The following OXSR1 variants were observed in gnomAD, a reference collection of about 807,000 sequenced individuals.
OXSR1 encodes the protein serine/threonine-protein kinase OSR1.
A neutral mutation model predicts 79.8 loss-of-function variants in OXSR1; 24 were observed. The ratio of observed to expected loss-of-function variants is 0.30; its 90% CI spans 0.22 to 0.42. The LOEUF (loss-of-function observed/expected upper bound fraction) is 0.42, where lower values mean the gene tolerates loss of function less well. Among genes scored for constraint, OXSR1 ranks in the 10% least tolerant of loss-of-function variants. The probability of loss-of-function intolerance (pLI) is 1.00; values close to 1 mark genes in which losing one functional copy is unlikely to be tolerated. For synonymous variants in OXSR1, 226 were observed against 209.2 expected, an observed-to-expected ratio of 1.08 and a Z score of -0.69; for missense variants, 430 against 618.4, an observed-to-expected ratio of 0.70 and a Z score of 3.23.
intron 14 of OXSR1, 57 bp downstream of exon 14, chr3:38,247,789 T>A: frequency 9.4e-7 from 1 of 1,069,398 alleles, no homozygotes; most frequent in Non-Finnish European, 1.4e-6. Context: ...CTGCATGTGC[T>A]GTAATAGTCT....
chr3:38,178,522 T>C, intron 1 of OXSR1, among the ~76,000 whole-genome samples: 1 of 150,704 alleles, frequency 6.6e-6, no homozygotes, highest in Non-Finnish European at 1.5e-5. Context: ...CACTACAACC[T>C]CTGCCTCCTG....
chr3:38,249,285 C>G (rs925416210), intron 14 of OXSR1, among the ~76,000 whole-genome samples: 2 of 152,130 alleles, frequency 1.3e-5, no homozygotes, highest in African/African-American at 4.8e-5. Flanking sequence ...TGCTTAATCT[C>G]AGTGCATGGT....
intron 2 of OXSR1, among the ~76,000 whole-genome samples, chr3:38,183,734 G>A (rs1190745560): frequency 6.6e-6 from 1 of 152,100 alleles, no homozygotes; most frequent in Non-Finnish European, 1.5e-5. Flanking sequence ...AAGAAGAAAG[G>A]GAAGTCCCAA....
At chr3:38,208,476 G>T (rs1164250966) in intron 4 of OXSR1, among the ~76,000 whole-genome samples, 2 of 152,052 alleles carry the variant, frequency 1.3e-5, no homozygotes, top group African/African-American at 4.8e-5. Flanking sequence ...CTCATAAAAA[G>T]AAGTTTCTTT....
intron 4 of OXSR1, among the ~76,000 whole-genome samples, chr3:38,204,655 C>T (rs1260386211): frequency 2.0e-5 from 3 of 151,742 alleles, no homozygotes; most frequent in African/African-American, 7.3e-5. Context: ...CCGCCTGGTA[C>T]CCTGTTCCAC....
At chr3:38,193,935 T>C (rs1353425360) in intron 3 of OXSR1, among the ~76,000 whole-genome samples, 3 of 152,236 alleles carry the variant, frequency 2.0e-5, no homozygotes, top group South Asian at 2.1e-4. Context: ...ATGAAATCTT[T>C]TGTTGTTATA....
chr3:38,197,569 T>C (rs903830626), intron 3 of OXSR1, among the ~76,000 whole-genome samples: 11 of 152,360 alleles, frequency 7.2e-5, no homozygotes, highest in African/African-American at 2.6e-4. Context: ...TTTTCTGCTA[T>C]CTTCCAGAAT....
chr3:38,217,195 A>G (rs1019394038), intron 5 of OXSR1, among the ~76,000 whole-genome samples: 8 of 152,222 alleles, frequency 5.3e-5, no homozygotes, highest in Non-Finnish European at 1.0e-4. Context: ...TAATTTGTTA[A>G]ATGCAAAGTA....
In OXSR1 at chr3:38,255,024, C is replaced by T. The variant is rs1703337543; in HGVS notation, c.*2133C>T. The T allele has an allele frequency of 6.6e-6, 1 of 152,660 alleles. No individual in the cohort carries two copies. Among genetic ancestry groups the T allele is most frequent in the African/African-American group, 2.4e-5 (1 of 41,428 alleles). The allele number at this position is 152,660 out of a possible 1,614,324, so 9.5% of individuals were successfully genotyped here. A position where few individuals can be genotyped will look rare whatever the true frequency, so the allele number is the denominator to read the frequency against. ...TCTTCTGCATGATGTGTGGTAGACT[C>T]CCTTTGCTGGCTTGTGCAGTGATAC... On this transcript the variant is annotated 3_prime_UTR_variant, in exon 18 of 18. Coordinates refer to ENST00000311806, the MANE Select transcript of OXSR1 (RefSeq NM_005109.3).
chr3:38,248,333 GCCCCGCCCC>G (rs1022503780), intron 14 of OXSR1, among the ~76,000 whole-genome samples: 5 of 132,136 alleles, frequency 3.8e-5, no homozygotes, highest in Non-Finnish European at 6.4e-5. Context: ...TTAACTCCCT[GCCCCGCCCC>G]CCCCGCCCCT....
At chr3:38,182,067 C>T (rs1701796845) in intron 1 of OXSR1, among the ~76,000 whole-genome samples, 1 of 152,044 alleles carries the variant, frequency 6.6e-6, no homozygotes, top group Non-Finnish European at 1.5e-5. Context: ...AGGTAGTTAC[C>T]CTATTTAAGT....
At chr3:38,179,167 A>T (rs1453824664) in intron 1 of OXSR1, among the ~76,000 whole-genome samples, 1 of 151,620 alleles carries the variant, frequency 6.6e-6, no homozygotes, top group Non-Finnish European at 1.5e-5. Context: ...AGTAGCTGGG[A>T]CTACACATGT....
rs567467620 is a variant in OXSR1, at chr3:38,245,225, C to T, written c.1111-850C>T. Among the ~76,000 whole-genome samples, 28 of 152,184 alleles carry T rather than the reference C, an allele frequency of 1.8e-4. No homozygotes were observed. The South Asian group carries it at 4.6e-3, about 25-fold the overall frequency. On this transcript the variant is annotated intron_variant, in intron 12 of 17. Coordinates refer to ENST00000311806, the MANE Select transcript of OXSR1 (RefSeq NM_005109.3). ...ATTACTCTTTGAATTTTTTCTCTTT[C>T]AACTTTACATTTTGGCTATTGCATC...
At chr3:38,182,006 C>A (rs1453721722) in intron 1 of OXSR1, among the ~76,000 whole-genome samples, 1 of 152,116 alleles carries the variant, frequency 6.6e-6, no homozygotes, top group South Asian at 2.1e-4. Context: ...CAGGTGCATG[C>A]CACTGCACCT....
At position 38,165,687 on chromosome 3, in the gene OXSR1, G is replaced by A; in HGVS notation, c.-190G>A. ...GGAGCAGGAGGCGAGGTCCGCCGGA[G>A]CTCTGAGCCCCCGCTGCTCTGCCGC... On this transcript the variant is annotated 5_prime_UTR_variant, in exon 1 of 18. Transcript: ENST00000311806. 1.8e-6 allele frequency: 1 copy of A among 548,384 alleles called. No homozygotes were observed. Among genetic ancestry groups the A allele is most frequent in the Non-Finnish European group, 3.2e-6 (1 of 312,724 alleles). 34.0% of individuals were successfully genotyped at this position (548,384 alleles called of 1,614,324 possible).
chr3:38,229,311 C>G (rs1357426376), intron 8 of OXSR1, among the ~76,000 whole-genome samples: 2 of 151,554 alleles, frequency 1.3e-5, no homozygotes, highest in Non-Finnish European at 2.9e-5. Context: ...TATTTTTATG[C>G]CTTGCTAAAA....
At position 38,165,953 on chromosome 3, in the gene OXSR1, G is replaced by C. The variant is rs763596716; in HGVS notation, c.70+7G>C. On this transcript the variant is annotated splice_region_variant and intron_variant, in intron 1 of 17. Transcript: ENST00000311806. The stretch of plus-strand genomic sequence containing the variant: ...GAGCTGCAGGAGGTGATCGGTGAGA[G>C]CAGGCGCTGCGGAGGGGGGAGGCGC... 2 of 1,609,254 alleles carry C rather than the reference G, an allele frequency of 1.2e-6. No individual in the cohort carries two copies. Among genetic ancestry groups the C allele is most frequent in the African/African-American group, 2.7e-5 (2 of 74,738 alleles).
intron 3 of OXSR1, among the ~76,000 whole-genome samples, chr3:38,197,549 T>TA (rs1424641313): frequency 6.6e-6 from 1 of 152,220 alleles, no homozygotes; most frequent in Admixed American, 6.5e-5. Context: ...TGTGCTTAGT[T>TA]ACTTTTTCTT....
intron 3 of OXSR1, among the ~76,000 whole-genome samples, chr3:38,196,313 T>G (rs1422592527): frequency 6.6e-6 from 1 of 152,156 alleles, no homozygotes; most frequent in Admixed American, 6.5e-5. Flanking sequence ...TCTTTATAAT[T>G]TTGATATTTG....
Sources: allele counts gnomAD v4.1 joint callset (sites outside exome capture counted in the v4.1 genomes callset), GRCh38; gene constraint gnomAD v4.1.1; transcripts MANE v1.5; gene names NCBI Gene and HGNC (gene_info 2026-07-23, HGNC 2026-07-21).